The following CREB5 variants were observed in gnomAD, a reference collection of about 807,000 sequenced individuals.
CREB5 encodes the protein cyclic AMP-responsive element-binding protein 5.
CREB5 carries 19 observed loss-of-function variants against 57.1 expected under a neutral mutation model. That is an observed-to-expected ratio of 0.33 (90% confidence interval 0.23 to 0.49). The LOEUF (loss-of-function observed/expected upper bound fraction) is 0.49. Ranked by LOEUF, CREB5 falls within the 20% of genes least tolerant of loss-of-function variation. The pLI, the probability that CREB5 is intolerant of heterozygous loss-of-function variation, is 0.99. For synonymous variants in CREB5, 238 were observed against 238.3 expected (o/e 1.00, Z 0.01); for missense variants, 579 against 671.6 (o/e 0.86, Z 1.52).
chr7:28,428,268 G>A (rs1001728178), intron 1 of CREB5, among the ~76,000 whole-genome samples: 6 of 152,188 alleles, frequency 3.9e-5, no homozygotes, highest in Non-Finnish European at 5.9e-5. Context: ...TCATCCAGGG[G>A]CTTTAAACCA....
rs547994902 is a variant in CREB5, at chr7:28,809,049, C to G, written c.1027-138C>G. ...GTGTGATTTCATCGTCTGTTTCATT[C>G]ATAGGAGGCAAGTCTCATATGCTGA... On this transcript the variant is annotated intron_variant, in intron 8 of 10. Transcript: ENST00000357727. The G allele has an allele frequency of 1.6e-3, 1,094 of 692,454 alleles. 22 individuals are homozygous for G. Among genetic ancestry groups the G allele is most frequent in the South Asian group, 0.013 (642 of 50,364 alleles). The allele number at this position is 692,454 out of a possible 1,614,324, so 42.9% of individuals were successfully genotyped here. A position where few individuals can be genotyped will look rare whatever the true frequency, so the allele number is the denominator to read the frequency against.
At chr7:28,662,638 C>A (rs576234933) in intron 5 of CREB5, among the ~76,000 whole-genome samples, 3 of 152,186 alleles carry the variant, frequency 2.0e-5, no homozygotes, top group Non-Finnish European at 2.9e-5. Context: ...CCAGCTCCCC[C>A]CAACACACAG....
At chr7:28,483,674 A>ACT (rs1175523931) in intron 1 of CREB5, among the ~76,000 whole-genome samples, 1 of 152,222 alleles carries the variant, frequency 6.6e-6, no homozygotes, top group Non-Finnish European at 1.5e-5. Context: ...CATGGGGGTC[A>ACT]TACTCAGCCC....
At chr7:28,388,469 A>G (rs1787153895) in intron 1 of CREB5, among the ~76,000 whole-genome samples, 2 of 152,214 alleles carry the variant, frequency 1.3e-5, no homozygotes, top group African/African-American at 2.4e-5. Flanking sequence ...CAGGGCAGCC[A>G]TAGATTCAGC....
Position 28,445,741 on chromosome 7 carries a change from T to C in CREB5, c.3+32824T>C, listed in dbSNP as rs370985013. Among the ~76,000 whole-genome samples the C allele has an allele frequency of 7.7e-3, 1,171 of 151,612 alleles. 17 individuals carry two copies. The highest frequency in any genetic ancestry group is 0.037 in the East Asian group (186 of 5,088). ...TAATTTTTTGTATTTTTAGTTGAGA[T>C]GGGGTTTCACTGTGTTAGCCAGGAT... On this transcript the variant is annotated intron_variant, in intron 1 of 10. Transcript: ENST00000357727.
intron 1 of CREB5, among the ~76,000 whole-genome samples, chr7:28,457,386 A>G (rs978319446): frequency 6.6e-6 from 1 of 152,206 alleles, no homozygotes; most frequent in East Asian, 1.9e-4. Context: ...GACTGAAATA[A>G]GCAGAGGGAT....
At chr7:28,411,734 CAT>C (rs554731647), upstream of CREB5, among the ~76,000 whole-genome samples, 15 of 152,250 alleles carry the variant, frequency 9.9e-5, no homozygotes, top group South Asian at 2.5e-3. Context: ...TTGAAGAACA[CAT>C]GTTTTCTTAT....
At chr7:28,419,479 TG>T (rs751400524) in intron 1 of CREB5, among the ~76,000 whole-genome samples, 1,501 of 152,366 alleles carry the variant, frequency 9.9e-3, no homozygotes, top group Non-Finnish European at 0.017. Flanking sequence ...TGATTAATAG[TG>T]CAATTTTCGA....
chr7:28,333,403 G>A (rs554904658), intron 1 of CREB5, among the ~76,000 whole-genome samples: 7 of 152,152 alleles, frequency 4.6e-5, no homozygotes, highest in South Asian at 2.1e-4. Context: ...AAAACAATCC[G>A]ATTATACTCT....
intron 1 of CREB5, among the ~76,000 whole-genome samples, chr7:28,426,375 A>C (rs1038451084): frequency 6.6e-6 from 1 of 152,224 alleles, no homozygotes; most frequent in Non-Finnish European, 1.5e-5. Context: ...GCTCCCTTGC[A>C]TAGCTCTGAA....
intron 1 of CREB5, among the ~76,000 whole-genome samples, chr7:28,331,183 C>G (rs1368778904): frequency 6.6e-6 from 1 of 152,032 alleles, no homozygotes; most frequent in Non-Finnish European, 1.5e-5. Flanking sequence ...ATTCCTCAAC[C>G]ATTTTTTTTT....
intron 1 of CREB5, among the ~76,000 whole-genome samples, chr7:28,475,063 A>AT (rs1312544939): frequency 4.6e-5 from 7 of 152,174 alleles, no homozygotes; most frequent in African/African-American, 1.7e-4. Flanking sequence ...AGGTGACCAG[A>AT]TTTTAGGGAC....
chr7:28,732,397 CA>C (rs1221650076), intron 7 of CREB5, among the ~76,000 whole-genome samples: 2 of 151,674 alleles, frequency 1.3e-5, no homozygotes, highest in African/African-American at 2.4e-5. Flanking sequence ...TGCATCTGGG[CA>C]AAAAAAACTG....
At chr7:28,421,855 C>A (rs796171597) in intron 1 of CREB5, among the ~76,000 whole-genome samples, 44 of 18,526 alleles carry the variant, frequency 2.4e-3, no homozygotes, top group African/African-American at 0.012. Flanking sequence ...CACTCTCTCT[C>A]TCTATATATA....
At chr7:28,581,847 C>T (rs1009336739) in intron 5 of CREB5, among the ~76,000 whole-genome samples, 1 of 152,200 alleles carries the variant, frequency 6.6e-6, no homozygotes, top group Non-Finnish European at 1.5e-5. Context: ...AATCAATGCC[C>T]TGTCTGCCTG....
chr7:28,776,194 C>T (rs1394161158), intron 7 of CREB5, among the ~76,000 whole-genome samples: 4 of 151,862 alleles, frequency 2.6e-5, no homozygotes, highest in Admixed American at 6.6e-5. Flanking sequence ...AAAAATTAGC[C>T]GGGTGTGGTG....
chr7:28,555,796 G>A lies in CREB5; in HGVS notation c.292-14569G>A, dbSNP rs111934005. On this transcript the variant is annotated intron_variant, in intron 4 of 10. Transcript: ENST00000357727. ...TGAAAGCTCCAGCAATATGGGTGTT[G>A]TTCTTATGTGAATCCCTGATTCCCC... 4.6e-5 allele frequency among the ~76,000 whole-genome samples: 7 copies of A among 152,300 alleles called. No individual in the cohort carries two copies. The East Asian group carries it at 1.3e-3, about 29-fold the overall frequency.
At chr7:28,552,612 T>C (rs866041353) in intron 4 of CREB5, among the ~76,000 whole-genome samples, 17 of 152,326 alleles carry the variant, frequency 1.1e-4, no homozygotes, top group African/African-American at 3.8e-4. Flanking sequence ...TGACGCTCTT[T>C]AGCCCCATCT....
intron 4 of CREB5, among the ~76,000 whole-genome samples, chr7:28,523,688 A>G (rs2128617668): frequency 1.3e-5 from 2 of 152,222 alleles, no homozygotes; most frequent in Non-Finnish European, 2.9e-5. Context: ...TGGCTTCACC[A>G]CCTTGCTGTG....
Sources: gnomAD v4.1 joint callset for allele counts (sites outside exome capture counted in the v4.1 genomes callset) on GRCh38, gnomAD v4.1.1 for gene constraint, MANE v1.5 for transcripts, NCBI Gene and HGNC (gene_info 2026-07-23, HGNC 2026-07-21) for gene names.